BRCA2: variants seen among roughly 807,000 people sequenced by gnomAD.
BRCA2 encodes breast cancer type 2 susceptibility protein.
A neutral mutation model predicts 276.7 loss-of-function variants in BRCA2; 203 were observed. That is an observed-to-expected ratio of 0.73 (90% CI 0.65 to 0.82). The LOEUF is 0.82. Among genes scored for constraint, BRCA2 ranks in the 40% least tolerant of loss-of-function variants. The pLI, the probability that BRCA2 is intolerant of heterozygous loss-of-function variation, is 0.00. For synonymous variants in BRCA2, 1,289 were observed against 1,338.4 expected, an observed-to-expected ratio of 0.96 and a Z score of 0.81; for missense variants, 3,920 against 3,915.0, an observed-to-expected ratio of 1.00 and a Z score of -0.03.
At chr13:32,326,889 C>T (rs2072354289) in intron 7 of BRCA2, among the ~76,000 whole-genome samples, 2 of 152,102 alleles carry the variant, frequency 1.3e-5, no homozygotes, top group African/African-American at 2.4e-5. Flanking sequence ...CCTATATAAG[C>T]GTTTAAGAGG....
chr13:32,319,023 C>G (rs2072283137), intron 2 of BRCA2, 54 bp from the exon 3 acceptor site: 3 of 1,603,278 alleles, frequency 1.9e-6, no homozygotes, highest in East Asian at 4.5e-5. Context: ...TGTTCTGGGT[C>G]ACAAATTTGT....
intron 7 of BRCA2, 35 bp downstream of exon 7, chr13:32,326,648 C>A (rs1380437182): frequency 6.8e-7 from 1 of 1,464,472 alleles, no homozygotes; most frequent in Non-Finnish European, 9.5e-7. Flanking sequence ...CAAGAAAGAG[C>A]AGATGAGGTT....
intron 11 of BRCA2, among the ~76,000 whole-genome samples, chr13:32,343,003 C>T (rs560459199): frequency 1.3e-5 from 2 of 151,512 alleles, no homozygotes; most frequent in African/African-American, 4.9e-5. Context: ...GAGCCAAGAT[C>T]GCACCACTGC....
At chr13:32,390,915 C>A (rs1679679781) in intron 24 of BRCA2, among the ~76,000 whole-genome samples, 1 of 152,204 alleles carries the variant, frequency 6.6e-6, no homozygotes, top group South Asian at 2.1e-4. Context: ...TTGCTATTAT[C>A]ATCCCACTTT....
chr13:32,399,225 C>T lies in BRCA2; in HGVS notation c.*455C>T, dbSNP rs1412939365. On this transcript the variant is annotated 3_prime_UTR_variant, in exon 27 of 27. Coordinates refer to ENST00000380152, the MANE Select transcript of BRCA2 (RefSeq NM_000059.4). ...TTATTTTACAAGTGAAATAAACATA[C>T]CATTTTCTTTTAGATTGTGTCATTA... 7 of 206,240 alleles carry T rather than the reference C, an allele frequency of 3.4e-5. No homozygotes were observed. Among genetic ancestry groups the T allele is most frequent in the Non-Finnish European group, 5.9e-5 (6 of 101,392 alleles). The allele number at this position is 206,240 out of a possible 1,614,324, so 12.8% of individuals were successfully genotyped here.
chr13:32,383,905 G>C (rs1232774491), intron 24 of BRCA2, among the ~76,000 whole-genome samples: 1 of 152,064 alleles, frequency 6.6e-6, no homozygotes, highest in African/African-American at 2.4e-5. Context: ...AGTTACCAGT[G>C]GAAAATAGAG....
At chr13:32,344,268 A>G (rs1000097191) in intron 11 of BRCA2, among the ~76,000 whole-genome samples, 1 of 151,956 alleles carries the variant, frequency 6.6e-6, no homozygotes, top group Non-Finnish European at 1.5e-5. Context: ...TTTTTCAAAA[A>G]GTAGCTTATC....
chr13:32,347,337 A>G (rs1380670530), intron 13 of BRCA2, among the ~76,000 whole-genome samples: 1 of 152,244 alleles, frequency 6.6e-6, no homozygotes, highest in Non-Finnish European at 1.5e-5. Context: ...TTTAGTAAGC[A>G]TGAGAAAGCT....
Position 32,349,851 on chromosome 13 carries a change from A to G in BRCA2, c.7007+2955A>G, listed in dbSNP as rs11571695. On this transcript the variant is annotated intron_variant, in intron 13 of 26. Coordinates refer to ENST00000380152, the MANE Select transcript of BRCA2 (RefSeq NM_000059.4). ...AAAAAAAGCAGCAGCAGCAATACTC[A>G]TGAAGCTGGGCAACTGTCTCCTGCC... is the stretch of plus-strand genomic sequence containing the variant. Among the ~76,000 whole-genome samples the G allele has an allele frequency of 0.041, 6,082 of 150,148 alleles. 211 individuals are homozygous for G. The highest frequency in any genetic ancestry group is 0.11 in the South Asian group (541 of 4,752).
chr13:32,369,551 CT>C (rs2072813033), intron 18 of BRCA2, among the ~76,000 whole-genome samples: 1 of 152,100 alleles, frequency 6.6e-6, no homozygotes, highest in African/African-American at 2.4e-5. Flanking sequence ...GGAGATGAGT[CT>C]TCAGATTATT....
At chr13:32,361,913 C>G (rs2072739850) in intron 16 of BRCA2, among the ~76,000 whole-genome samples, 1 of 152,108 alleles carries the variant, frequency 6.6e-6, no homozygotes, top group Admixed American at 6.5e-5. Flanking sequence ...CTAAAAAAAT[C>G]TCTTTCATAA....
intron 20 of BRCA2, 135 bp from the exon 21 acceptor site, chr13:32,376,535 A>T: frequency 2.0e-6 from 2 of 1,016,074 alleles, no homozygotes; most frequent in Non-Finnish European, 2.8e-6. Context: ...AAAAAAAAAA[A>T]GAAAAAACTT....
rs11571764 is a variant in BRCA2, at chr13:32,378,219, T to C, written c.8755-1098T>C. 7.1e-3 allele frequency among the ~76,000 whole-genome samples: 1,077 copies of C among 152,194 alleles called. 7 individuals carry two copies. The highest frequency in any genetic ancestry group is 0.012 in the Non-Finnish European group (798 of 67,996). On this transcript the variant is annotated intron_variant, in intron 21 of 26. Coordinates refer to ENST00000380152, the MANE Select transcript of BRCA2 (RefSeq NM_000059.4). ...TAAGGGGGCAGAATAAGAGTTGGAG[T>C]AGGGCCTTGCCCAGCCACTCTGTAA... is the stretch of plus-strand genomic sequence containing the variant.
intron 24 of BRCA2, among the ~76,000 whole-genome samples, chr13:32,383,344 C>T (rs568884506): frequency 6.6e-6 from 1 of 151,678 alleles, no homozygotes; most frequent in Admixed American, 6.6e-5. Context: ...TGGGAGATTC[C>T]GTCTCAAAAA....
rs80358660 is a variant in BRCA2, at chr13:32,325,175, T to G, written c.416T>G (p.Leu139Arg). The change falls in exon 4 of 27, where the codon CTT (leucine) becomes CGT (arginine). Residue 139 changes from leucine (L) to arginine (R), a missense_variant. Leu to Arg is a moderately radical substitution (Grantham distance 102, BLOSUM62 -2). Around this residue, in one of 2 missense-constraint regions of BRCA2, gnomAD observed 3,263 missense variants for 3,156.9 expected, o/e 1.03. Coordinates refer to ENST00000380152, the MANE Select transcript of BRCA2 (RefSeq NM_000059.4). ...TCCTGTCCACTTCTAAATTCTTGTC[T>G]TAGTGAAAGGTATGATGAAGCTATT... ...DVSCPLLNSC[L>R]SESPVVLQCT... The G allele has an allele frequency of 3.8e-6, 6 of 1,575,060 alleles. No individual in the cohort carries two copies. The South Asian group carries it at 6.7e-5, about 17-fold the overall frequency.
At chr13:32,396,028 C>T (rs1276029679) in intron 25 of BRCA2, 4 of 190,908 alleles carry the variant, frequency 2.1e-5, no homozygotes, top group Non-Finnish European at 3.7e-5. Context: ...GGCTGGAGTA[C>T]AATAGCACAA....
chr13:32,371,763 A>G (rs546410211), intron 20 of BRCA2, among the ~76,000 whole-genome samples: 12 of 152,324 alleles, frequency 7.9e-5, no homozygotes, highest in African/African-American at 2.9e-4. Context: ...GACCACCGCA[A>G]TAAAGCAAAT....
rs80359405 is a variant in BRCA2 at position 32,338,200 on chromosome 13, CTG to C, written c.3847_3848del (p.Val1283LysfsTer2). ...AAGATAGAAAATCATAATGATAAAACTGTAAGTGAAAAAAATAATAAATGCCA... is the reference window on the plus strand; with the variant it reads ...AAGATAGAAAATCATAATGATAAAACTAAGTGAAAAAAATAATAAATGCCA... On this transcript the variant is annotated frameshift_variant, in exon 11 of 27. Transcript: ENST00000380152. LOFTEE classifies it high-confidence loss of function. The C allele has an allele frequency of 4.1e-5, 63 of 1,549,192 alleles. No individual in the cohort carries two copies. Among genetic ancestry groups the C allele is most frequent in the Non-Finnish European group, 5.0e-5 (57 of 1,146,854 alleles).
At chr13:32,342,551 T>G (rs1449014084) in intron 11 of BRCA2, among the ~76,000 whole-genome samples, 1 of 152,210 alleles carries the variant, frequency 6.6e-6, no homozygotes, top group East Asian at 1.9e-4. Context: ...ATTTCATCAT[T>G]GTGGGAACAT....
Sources: allele counts gnomAD v4.1 joint callset (sites outside exome capture counted in the v4.1 genomes callset), GRCh38; gene constraint gnomAD v4.1.1; regional missense constraint gnomAD v4.1.1; transcripts MANE v1.5; gene names NCBI Gene and HGNC (gene_info 2026-07-23, HGNC 2026-07-21).